Variants in SETDB2 observed in about 807,000 individuals in gnomAD.
SETDB2 encodes SET domain bifurcated histone lysine methyltransferase 2, also known as histone-lysine N-methyltransferase SETDB2.
In SETDB2, 56 loss-of-function variants were observed where a neutral mutation model predicts 82.5. The ratio of observed to expected loss-of-function variants is 0.68; its 90% CI spans 0.55 to 0.85. The LOEUF (loss-of-function observed/expected upper bound fraction) is 0.85, where lower values mean the gene tolerates loss of function less well. Ranked by LOEUF, SETDB2 falls within the 40% of genes least tolerant of loss-of-function variation. SETDB2 has a pLI of 0.00. For synonymous variants in SETDB2, 272 were observed against 284.9 expected, an observed-to-expected ratio of 0.95 and a Z score of 0.46; for missense variants, 677 against 816.4, an observed-to-expected ratio of 0.83 and a Z score of 2.08.
At chr13:49,463,624 G>C (rs1348904978) in intron 4 of SETDB2, among the ~76,000 whole-genome samples, 2 of 152,206 alleles carry the variant, frequency 1.3e-5, no homozygotes, top group African/African-American at 4.8e-5. Flanking sequence ...CTGTTATCTA[G>C]GTTTTTCTCT....
rs899096669 is a variant in SETDB2, at chr13:49,492,449, G to GA, written c.*601dup. On this transcript the variant is annotated 3_prime_UTR_variant, in exon 14 of 14. Coordinates refer to ENST00000611815, the MANE Select transcript of SETDB2 (RefSeq NM_001160308.3). ...GAGGGAGAAGCTCTTCTGTAAGTAA[G>GA]ATTCTGGCAAGCTCTTTGAAATGAG... 2 of 152,716 alleles carry GA rather than the reference G, an allele frequency of 1.3e-5. No homozygotes were observed. The allele number at this position is 152,716 out of a possible 1,614,324, so 9.5% of individuals were successfully genotyped here.
At chr13:49,470,123 C>T (rs1374071031) in intron 5 of SETDB2, among the ~76,000 whole-genome samples, 4 of 152,162 alleles carry the variant, frequency 2.6e-5, no homozygotes, top group African/African-American at 9.7e-5. Flanking sequence ...AAAATCCGAG[C>T]TTCCAAGAAA....
rs535658847 is a variant in SETDB2, at chr13:49,458,613, G to A, written c.17-1494G>A. ...TTCTTATTCTGTATGTTCTCCCTAT[G>A]GAATTACATCTACTCTATGGCATCA... is the stretch of plus-strand genomic sequence containing the variant. On this transcript the variant is annotated intron_variant, in intron 2 of 13. Coordinates refer to ENST00000611815, the MANE Select transcript of SETDB2 (RefSeq NM_001160308.3). Among the ~76,000 whole-genome samples the A allele has an allele frequency of 1.5e-4, 23 of 152,200 alleles. No individual in the cohort carries two copies. The East Asian group carries it at 3.3e-3, about 22-fold the overall frequency.
chr13:49,472,130 T>C (rs1958263213), intron 5 of SETDB2, among the ~76,000 whole-genome samples: 1 of 151,790 alleles, frequency 6.6e-6, no homozygotes, highest in Non-Finnish European at 1.5e-5. Flanking sequence ...GCCCAGTATG[T>C]ATACAAGACC....
intron 8 of SETDB2, chr13:49,482,299 C>G: frequency 1.0e-6 from 1 of 985,334 alleles, no homozygotes; most frequent in Non-Finnish European, 1.2e-6. Flanking sequence ...TTATGCAGAA[C>G]TTAATATGAC....
At chr13:49,476,431 T>C in intron 5 of SETDB2, 45 bp from the exon 6 acceptor site, 3 of 1,278,946 alleles carry the variant, frequency 2.3e-6, no homozygotes, top group Non-Finnish European at 3.3e-6. Context: ...AAATGAGGAA[T>C]TGAACTATAA....
At chr13:49,481,705 C>A (rs1055704934) in intron 8 of SETDB2, among the ~76,000 whole-genome samples, 5 of 152,186 alleles carry the variant, frequency 3.3e-5, no homozygotes, top group Admixed American at 1.3e-4. Context: ...CCAAACACAT[C>A]AGTCTTCAGT....
chr13:49,463,591 C>T (rs189243270), intron 4 of SETDB2, among the ~76,000 whole-genome samples: 10 of 152,318 alleles, frequency 6.6e-5, no homozygotes, highest in East Asian at 1.9e-4. Flanking sequence ...CAGCATTACA[C>T]GTTTGCTATG....
At chr13:49,466,341 G>A (rs573977266) in intron 4 of SETDB2, among the ~76,000 whole-genome samples, 2 of 152,086 alleles carry the variant, frequency 1.3e-5, no homozygotes, top group South Asian at 4.2e-4. Context: ...AGGCTGAAGT[G>A]GAAGGGTAGC....
At chr13:49,462,571 A>T (rs1443961804) in intron 4 of SETDB2, among the ~76,000 whole-genome samples, 3 of 152,192 alleles carry the variant, frequency 2.0e-5, no homozygotes, top group African/African-American at 7.2e-5. Context: ...TAAAAAGAAA[A>T]ACTGAGAAGT....
rs765993038 is a variant in SETDB2, at chr13:49,451,881, G to A, written c.-13G>A. The A allele has an allele frequency of 8.2e-6, 13 of 1,592,806 alleles. No homozygotes were observed. Among genetic ancestry groups the A allele is most frequent in the Middle Eastern group, 1.7e-4 (1 of 6,022 alleles). ...ATTTTGAAGCATTTTATATTTATAA[G>A]CGACATCAAAAGATGGGAGAAAAAA... On this transcript the variant is annotated 5_prime_UTR_variant, in exon 2 of 14. Transcript: ENST00000611815.
chr13:49,462,898 C>G (rs1355327045), intron 4 of SETDB2, among the ~76,000 whole-genome samples: 1 of 152,020 alleles, frequency 6.6e-6, no homozygotes, highest in East Asian at 1.9e-4. Context: ...CAGTAACACT[C>G]GGAATTGTAG....
At chr13:49,452,827 A>T (rs1418186161) in intron 2 of SETDB2, among the ~76,000 whole-genome samples, 2 of 152,100 alleles carry the variant, frequency 1.3e-5, no homozygotes, top group African/African-American at 4.8e-5. Flanking sequence ...GGTTTTGGGG[A>T]GTGTGATCTC....
At chr13:49,468,226 T>C (rs1054667229) in intron 5 of SETDB2, among the ~76,000 whole-genome samples, 1 of 152,162 alleles carries the variant, frequency 6.6e-6, no homozygotes, top group African/African-American at 2.4e-5. Context: ...ATCTACCAAG[T>C]AGTGTGTTTT....
At position 49,486,510 on chromosome 13, in the gene SETDB2, A is replaced by G. The variant is rs375369547; in HGVS notation, c.1576+787A>G. Among the ~76,000 whole-genome samples, 37 of 152,294 alleles carry G rather than the reference A, an allele frequency of 2.4e-4. No individual in the cohort carries two copies. In the South Asian group the frequency reaches 7.3e-3, roughly 30 times the overall value. On this transcript the variant is annotated intron_variant, in intron 11 of 13. Transcript: ENST00000611815. Reference sequence around the variant, plus strand: ...GCCAGTAGTGACTTGATGCATGACAAGAGGGGTGGGCTGGAAAACTCTTGA... The same window carrying G: ...GCCAGTAGTGACTTGATGCATGACAGGAGGGGTGGGCTGGAAAACTCTTGA...
chr13:49,486,080 G>T (rs935970587), intron 11 of SETDB2, among the ~76,000 whole-genome samples: 1 of 152,080 alleles, frequency 6.6e-6, no homozygotes, highest in Non-Finnish European at 1.5e-5. Context: ...TAGCACTTTG[G>T]GAAGCCAAGG....
chr13:49,490,478 T>G (rs1424627768), intron 12 of SETDB2, among the ~76,000 whole-genome samples: 1 of 152,152 alleles, frequency 6.6e-6, no homozygotes, highest in Non-Finnish European at 1.5e-5. Flanking sequence ...GCTCAATGAA[T>G]AATTACACAT....
At position 49,482,913 on chromosome 13, in the gene SETDB2, A is replaced by G; in HGVS notation, c.1333A>G (p.Thr445Ala). 1.2e-6 allele frequency: 2 copies of G among 1,613,356 alleles called. No homozygotes were observed. Among genetic ancestry groups the G allele is most frequent in the Non-Finnish European group, 1.7e-6 (2 of 1,179,682 alleles). ...GGAAACACATCCTAGAACTGCTAAA[A>G]CTGAGAAATGTCCACCAAAGTTCAG... ...GLETHPRTAK[T>A]EKCPPKFSNN... is the part of the protein sequence containing the mutation. The change falls in exon 9 of 14, where the codon ACT becomes GCT. Residue 445 changes from threonine to alanine, a missense_variant. Thr to Ala is a moderately conservative substitution (Grantham distance 58). This residue lies in a region of SETDB2 where 420 missense variants were observed against 554.6 expected (regional missense o/e 0.76). Transcript: ENST00000611815.
At chr13:49,453,485 T>TG (rs1286458572) in intron 2 of SETDB2, among the ~76,000 whole-genome samples, 1 of 151,648 alleles carries the variant, frequency 6.6e-6, no homozygotes, top group Non-Finnish European at 1.5e-5. Context: ...TTAGTAGAGA[T>TG]GGGGGTTTCA....
Sources: gnomAD v4.1 joint callset for allele counts (sites outside exome capture counted in the v4.1 genomes callset) on GRCh38, gnomAD v4.1.1 for gene constraint, gnomAD v4.1.1 regional missense constraint, MANE v1.5 for transcripts, NCBI Gene and HGNC (gene_info 2026-07-23, HGNC 2026-07-21) for gene names.